The following CHTF18 variants were observed in gnomAD, a reference collection of about 807,000 sequenced individuals.
CHTF18 encodes chromosome transmission fidelity factor 18, also known as chromosome transmission fidelity protein 18 homolog.
In CHTF18, 151 loss-of-function variants were observed where a neutral mutation model predicts 113.4. The ratio of observed to expected loss-of-function variants is 1.33; its 90% CI spans 1.17 to 1.52. The LOEUF (loss-of-function observed/expected upper bound fraction) is 1.52. Ranked by LOEUF, CHTF18 falls within the 40% of genes most tolerant of loss-of-function variation. CHTF18 has a pLI of 0.00. For synonymous variants in CHTF18, 916 were observed against 598.8 expected (o/e 1.53, Z -7.74); for missense variants, 1,982 against 1,381.6 (o/e 1.43, Z -6.89).
intron 4 of CHTF18, 163 bp from the exon 5 acceptor site, chr16:790,014 A>C (rs4984926): frequency 0.16 from 251,060 of 1,534,650 alleles, 21,547 homozygotes; most frequent in East Asian, 0.27. Flanking sequence ...CAGCTGACCC[A>C]TCTGGATGGC....
chr16:797,405 G>C (rs924292044), intron 20 of CHTF18, among the ~76,000 whole-genome samples: 2 of 152,100 alleles, frequency 1.3e-5, no homozygotes, highest in African/African-American at 4.8e-5. Flanking sequence ...TGCCCTAAGG[G>C]GGGCTCTGAA....
intron 3 of CHTF18, 37 bp from the exon 4 acceptor site, chr16:789,510 C>G (rs753611488): frequency 6.4e-7 from 1 of 1,567,344 alleles, no homozygotes; most frequent in Non-Finnish European, 8.7e-7. Context: ...TGACCCCACG[C>G]TTGAGTTTCT....
Position 790,609 on chromosome 16 carries a change from C to G in CHTF18, c.837C>G (p.His279Gln). Residue 279 changes from histidine to glutamine, a missense_variant, in exon 7 of 22, where the codon CAC becomes CAG. By Grantham distance (24) the His-to-Gln change is conservative. Transcript: ENST00000262315. The stretch of plus-strand genomic sequence containing the variant: ...CTGACGGTCAAGACGCCTCCAGTCA[C>G]TGCCTCTGGGTGGATGAGTTTGCAC... ...EPTDGQDASS[H>Q]CLWVDEFAPR... 1 of 1,596,054 alleles carries G rather than the reference C, an allele frequency of 6.3e-7. No individual in the cohort carries two copies. Among genetic ancestry groups the G allele is most frequent in the African/African-American group, 1.3e-5 (1 of 74,604 alleles).
At position 789,199 on chromosome 16, in the gene CHTF18, G is replaced by A. The variant is rs1357656656; in HGVS notation, c.287-11G>A. 1 of 1,550,552 alleles carries A rather than the reference G, an allele frequency of 6.4e-7. No homozygotes were observed. Among genetic ancestry groups the A allele is most frequent in the Non-Finnish European group, 8.7e-7 (1 of 1,147,174 alleles). On this transcript the variant is annotated splice_polypyrimidine_tract_variant and intron_variant, in intron 2 of 21. Coordinates refer to ENST00000262315, the MANE Select transcript of CHTF18 (RefSeq NM_022092.3). ...AGGAGGCCTCTGGTTCCCTGCATGT[G>A]TCTCCCCCAGCCCCCAGGATCAAAC...
chr16:790,335 T>C lies in CHTF18; in HGVS notation c.700-12T>C, dbSNP rs1202816247. 5.0e-6 allele frequency: 8 copies of C among 1,612,420 alleles called. No homozygotes were observed. In the South Asian group the frequency reaches 5.5e-5, roughly 11 times the overall value. ...CCTGAGCCCTCCTGATTCCAGCCTG[T>C]TGTTTGCACAGCGGCGGGAGCGGCT... On this transcript the variant is annotated splice_polypyrimidine_tract_variant and intron_variant, in intron 5 of 21. Coordinates refer to ENST00000262315, the MANE Select transcript of CHTF18 (RefSeq NM_022092.3).
chr16:796,650 C>T, intron 18 of CHTF18, 67 bp from the exon 19 acceptor site: 1 of 1,480,300 alleles, frequency 6.8e-7, no homozygotes, highest in Non-Finnish European at 8.9e-7. Flanking sequence ...GGTTGGAGTG[C>T]CCGGCGGCTC....
intron 16 of CHTF18, 86 bp downstream of exon 16, chr16:795,442 C>T (rs1451856821): frequency 6.3e-6 from 4 of 636,816 alleles, no homozygotes; most frequent in African/African-American, 7.6e-5. Context: ...GCCCCGTGCC[C>T]GCCCCCCCAA....
At position 794,202 on chromosome 16, in the gene CHTF18, G is replaced by C; in HGVS notation, c.1950+1G>C. 6.2e-7 allele frequency: 1 copy of C among 1,609,672 alleles called. No homozygotes were observed. The highest frequency in any genetic ancestry group is 8.5e-7 in the Non-Finnish European group (1 of 1,177,606). ...GGGCGAGCACGAGAAGGTGGTCCAGGTACCTGTCTTCCACCAAAATGCCTG... is the reference window on the plus strand; with the variant it reads ...GGGCGAGCACGAGAAGGTGGTCCAGCTACCTGTCTTCCACCAAAATGCCTG... On this transcript the variant is annotated splice_donor_variant, in intron 15 of 21. Coordinates refer to ENST00000262315, the MANE Select transcript of CHTF18 (RefSeq NM_022092.3). LOFTEE classifies it high-confidence loss of function.
chr16:791,046 C>T (rs1267735258), intron 7 of CHTF18, 115 bp from the exon 8 acceptor site: 35 of 1,490,914 alleles, frequency 2.3e-5, no homozygotes, highest in Non-Finnish European at 3.0e-5. Context: ...CGGGGGTGGC[C>T]ATTCATCCTG....
At position 792,691 on chromosome 16, in the gene CHTF18, G is replaced by A. The variant is rs114568403; in HGVS notation, c.1479-27G>A. Reference sequence around the variant, plus strand: ...CCTGGGCTGTGGTGCCAACCCTGGGGTCCCTGGCCCTGCCGCCTCTCCTCA... The same window carrying A: ...CCTGGGCTGTGGTGCCAACCCTGGGATCCCTGGCCCTGCCGCCTCTCCTCA... On this transcript the variant is annotated intron_variant, in intron 11 of 21. Coordinates refer to ENST00000262315, the MANE Select transcript of CHTF18 (RefSeq NM_022092.3). 2,188 of 1,578,388 alleles carry A rather than the reference G, an allele frequency of 1.4e-3. 19 individuals are homozygous for A. In the African/African-American group the frequency reaches 0.025, roughly 18 times the overall value.
At position 795,792 on chromosome 16, in the gene CHTF18, C is replaced by G. The variant is rs369145820; in HGVS notation, c.2283C>G (p.Ala761=). The change falls in exon 17 of 22, where the codon GCC becomes GCG. Residue 761 remains alanine, a synonymous_variant. Transcript: ENST00000262315. ...CGCCCCAGGCCCTGCTCCTCGATGC[C>G]CTCTGCCTGCTCCTGGACATTCTTG... ...RATPQALLLD[A]LCLLLDILAP... 6.8e-6 allele frequency: 11 copies of G among 1,609,952 alleles called. No homozygotes were observed. The highest frequency in any genetic ancestry group is 5.9e-6 in the Non-Finnish European group (7 of 1,179,030).
rs373945677 is a variant in CHTF18 at position 797,921 on chromosome 16, C to T, written c.2874C>T (p.Asn958=). ...VGRSEVWFRF[N]EGVSNAVRRS... is the part of the protein sequence containing the mutation. ...GGAGCGAGGTCTGGTTCCGCTTCAACGAGGGTGTCTCCAACGCCGTGCGGC... is the reference window on the plus strand; with the variant it reads ...GGAGCGAGGTCTGGTTCCGCTTCAATGAGGGTGTCTCCAACGCCGTGCGGC... The change falls in exon 22 of 22, where the codon AAC becomes AAT. Residue 958 remains asparagine (N), a synonymous_variant. Transcript: ENST00000262315. 2.8e-5 allele frequency: 45 copies of T among 1,612,194 alleles called. No individual in the cohort carries two copies. The highest frequency in any genetic ancestry group is 4.5e-5 in the East Asian group (2 of 44,892).
In CHTF18 at chr16:797,992, C is replaced by T. The variant is rs1048723819; in HGVS notation, c.*17C>T. 7 of 1,601,106 alleles carry T rather than the reference C, an allele frequency of 4.4e-6. No individual in the cohort carries two copies. The highest frequency in any genetic ancestry group is 3.4e-5 in the Admixed American group (2 of 59,514). The stretch of plus-strand genomic sequence containing the variant: ...TTGCTCTAGTTCTCTGAGCCGCGGA[C>T]ATGCCCTCGCATTGCTTCCCGCAGA... On this transcript the variant is annotated 3_prime_UTR_variant, in exon 22 of 22. Coordinates refer to ENST00000262315, the MANE Select transcript of CHTF18 (RefSeq NM_022092.3).
In CHTF18 at chr16:797,996, C is replaced by T. The variant is rs774642832; in HGVS notation, c.*21C>T. On this transcript the variant is annotated 3_prime_UTR_variant, in exon 22 of 22. Coordinates refer to ENST00000262315, the MANE Select transcript of CHTF18 (RefSeq NM_022092.3). The stretch of plus-strand genomic sequence containing the variant: ...TCTAGTTCTCTGAGCCGCGGACATG[C>T]CCTCGCATTGCTTCCCGCAGAGTGC... The T allele has an allele frequency of 8.1e-6, 13 of 1,600,284 alleles. No individual in the cohort carries two copies. Among genetic ancestry groups the T allele is most frequent in the African/African-American group, 5.4e-5 (4 of 74,748 alleles).
chr16:791,171 G>T lies in CHTF18; in HGVS notation c.905G>T (p.Arg302Leu), dbSNP rs772811355. ...TELLSDDFTN[R>L]CLLKWLKLWD... ...CCGTCCTTCCCGCAGTTCACCAACC[G>T]CTGCCTGCTCAAGTGGCTGAAGTTG... The change falls in exon 8 of 22, where the codon CGC (arginine) becomes CTC (leucine). Residue 302 changes from arginine to leucine, a missense_variant. Transcript: ENST00000262315. The T allele has an allele frequency of 1.2e-6, 2 of 1,610,484 alleles. No homozygotes were observed. Among genetic ancestry groups the T allele is most frequent in the South Asian group, 2.2e-5 (2 of 90,624 alleles).
Position 792,322 on chromosome 16 carries a change from T to G in CHTF18, c.1301T>G (p.Ile434Ser). Reference protein sequence around the residue: ...GAGGKPNCLVIDEIDGAPVAA... With the variant: ...GAGGKPNCLVSDEIDGAPVAA... ...GGCGGGAAGCCCAACTGCCTGGTCA[T>G]CGATGAGATCGACGGGGCCCCCGTG... is the stretch of plus-strand genomic sequence containing the variant. The change falls in exon 10 of 22, where the codon ATC (isoleucine) becomes AGC (serine). Residue 434 changes from isoleucine to serine, a missense_variant. Coordinates refer to ENST00000262315, the MANE Select transcript of CHTF18 (RefSeq NM_022092.3). 6.4e-7 allele frequency: 1 copy of G among 1,552,496 alleles called. No homozygotes were observed. Among genetic ancestry groups the G allele is most frequent in the Non-Finnish European group, 8.7e-7 (1 of 1,148,318 alleles).
At chr16:789,521 G>C in intron 3 of CHTF18, 26 bp from the exon 4 acceptor site, 4 of 1,573,724 alleles carry the variant, frequency 2.5e-6, no homozygotes, top group Non-Finnish European at 2.6e-6. Flanking sequence ...TTGAGTTTCT[G>C]CCACTGAGCC....
rs1362030208 is a variant in CHTF18, at chr16:797,127, G to A, written c.2733+35G>A. ...GGGCAGCTGTGGGGGTGGGACCAGG[G>A]TACATACCTTTGGGGGTGTGGCTAG... On this transcript the variant is annotated intron_variant, in intron 20 of 21. Coordinates refer to ENST00000262315, the MANE Select transcript of CHTF18 (RefSeq NM_022092.3). 3.4e-6 allele frequency: 5 copies of A among 1,485,702 alleles called. No individual in the cohort carries two copies. The African/African-American group carries it at 7.0e-5, about 21-fold the overall frequency. The allele number at this position is 1,485,702 out of a possible 1,614,324, so 92.0% of individuals were successfully genotyped here. A position where few individuals can be genotyped will look rare whatever the true frequency, so the allele number is the denominator to read the frequency against.
Position 796,007 on chromosome 16 carries a change from A to G in CHTF18, c.2386A>G (p.Met796Val), listed in dbSNP as rs367859473. The G allele has an allele frequency of 1.2e-6, 2 of 1,607,580 alleles. No individual in the cohort carries two copies. The highest frequency in any genetic ancestry group is 1.7e-6 in the Non-Finnish European group (2 of 1,177,744). ...ACAGCTGGCCAGCCTGGTGGGCACG[A>G]TGCTCGCTTACAGCCTGACCTACCG... ...KQQLASLVGT[M>V]LAYSLTYRQE... Residue 796 changes from methionine (M) to valine (V), a missense_variant, in exon 18 of 22, where the codon ATG becomes GTG. Met to Val is a conservative substitution (Grantham distance 21). Coordinates refer to ENST00000262315, the MANE Select transcript of CHTF18 (RefSeq NM_022092.3).
Sources: allele counts gnomAD v4.1 joint callset (sites outside exome capture counted in the v4.1 genomes callset), GRCh38; gene constraint gnomAD v4.1.1; transcripts MANE v1.5; gene names NCBI Gene and HGNC (gene_info 2026-07-23, HGNC 2026-07-21).